Variants in FER observed in about 807,000 individuals in gnomAD.
FER encodes the protein FER tyrosine kinase.
A neutral mutation model predicts 111.0 loss-of-function variants in FER; 63 were observed. That is an observed-to-expected ratio of 0.57 (90% CI 0.46 to 0.70). The LOEUF is 0.70. FER is among the 30% of genes least tolerant of loss of function. FER has a pLI of 0.00. For synonymous variants in FER, 327 were observed against 313.9 expected, an observed-to-expected ratio of 1.04 and a Z score of -0.44; for missense variants, 914 against 954.0, an observed-to-expected ratio of 0.96 and a Z score of 0.55.
intron 10 of FER, among the ~76,000 whole-genome samples, chr5:108,906,825 C>T (rs1408231455): frequency 6.6e-6 from 1 of 151,986 alleles, no homozygotes; most frequent in Non-Finnish European, 1.5e-5. Context: ...CATAATACTT[C>T]CTTTTAACAA....
chr5:108,834,544 A>C (rs1426440506), intron 4 of FER, among the ~76,000 whole-genome samples: 1 of 152,004 alleles, frequency 6.6e-6, no homozygotes, highest in Non-Finnish European at 1.5e-5. Context: ...CTAAAAATAC[A>C]AAAATTAGCC....
intron 17 of FER, among the ~76,000 whole-genome samples, chr5:109,132,022 T>G (rs947219490): frequency 2.1e-4 from 32 of 152,212 alleles, no homozygotes; most frequent in Admixed American, 5.9e-4. Context: ...ATGAGATAAA[T>G]GTACCTAAAG....
chr5:108,755,254 G>C (rs79899128), intron 1 of FER, among the ~76,000 whole-genome samples: 202 of 152,304 alleles, frequency 1.3e-3, no homozygotes, highest in African/African-American at 4.3e-3. Context: ...CACAAAGCTT[G>C]CTGCGTTGTC....
In FER at chr5:108,993,904, T is replaced by A. The variant is rs768855722; in HGVS notation, c.1656+34557T>A. On this transcript the variant is annotated intron_variant, in intron 13 of 19. Transcript: ENST00000281092. ...TGATGTTGAGCTTTTTTTTCATGTT[T>A]ATTAGCCCCTTAAATGTCTTCTTTT... Among the ~76,000 whole-genome samples, 59 of 152,318 alleles carry A rather than the reference T, an allele frequency of 3.9e-4. 1 individual carries two copies. The highest frequency in any genetic ancestry group is 3.5e-3 in the South Asian group (17 of 4,832).
At chr5:108,899,447 TG>T (rs1749674299) in intron 10 of FER, among the ~76,000 whole-genome samples, 1 of 152,178 alleles carries the variant, frequency 6.6e-6, no homozygotes, top group South Asian at 2.1e-4. Flanking sequence ...GTAAATCTTT[TG>T]TTCACTGAGT....
intron 17 of FER, among the ~76,000 whole-genome samples, chr5:109,143,019 A>G (rs907958172): frequency 1.1e-4 from 16 of 152,246 alleles, no homozygotes; most frequent in Non-Finnish European, 1.9e-4. Flanking sequence ...TTTTGTGGAA[A>G]AAGCAGCAAC....
chr5:108,876,892 G>A (rs901717380), intron 8 of FER, among the ~76,000 whole-genome samples: 2 of 152,128 alleles, frequency 1.3e-5, no homozygotes, highest in African/African-American at 4.8e-5. Context: ...CTTGCATTAC[G>A]ATAACATGTG....
chr5:109,142,900 T>C (rs1234962436), intron 17 of FER, among the ~76,000 whole-genome samples: 1 of 152,126 alleles, frequency 6.6e-6, no homozygotes, highest in East Asian at 1.9e-4. Flanking sequence ...TAGACGATAC[T>C]GAGGAAGCCT....
chr5:109,121,167 G>A (rs1030111178), intron 17 of FER, among the ~76,000 whole-genome samples: 1 of 152,016 alleles, frequency 6.6e-6, no homozygotes, highest in Non-Finnish European at 1.5e-5. Flanking sequence ...TCCTTGTCAT[G>A]TTCTAGATCT....
intron 17 of FER, among the ~76,000 whole-genome samples, chr5:109,169,497 A>G (rs541879770): frequency 6.6e-6 from 1 of 152,300 alleles, no homozygotes; most frequent in South Asian, 2.1e-4. Context: ...TAAACATAGA[A>G]AGCAACATTA....
intron 17 of FER, 122 bp from the exon 18 acceptor site, chr5:109,180,625 G>T: frequency 9.2e-7 from 1 of 1,081,758 alleles, no homozygotes; most frequent in Non-Finnish European, 1.3e-6. Context: ...TAAATCACAA[G>T]CATTCTTAAC....
intron 1 of FER, among the ~76,000 whole-genome samples, chr5:108,754,005 A>G (rs1285261954): frequency 1.3e-5 from 2 of 152,302 alleles, no homozygotes; most frequent in East Asian, 1.9e-4. Context: ...TGCGAGCTCT[A>G]ATTCAGTCTC....
At chr5:108,865,731 G>A (rs372662201) in intron 5 of FER, among the ~76,000 whole-genome samples, 4 of 151,642 alleles carry the variant, frequency 2.6e-5, no homozygotes, top group East Asian at 1.9e-4. Context: ...ACTCAAACAA[G>A]TTTACAAGAA....
chr5:109,045,240 A>G (rs1011475950), intron 15 of FER, among the ~76,000 whole-genome samples: 1 of 151,578 alleles, frequency 6.6e-6, no homozygotes, highest in African/African-American at 2.4e-5. Flanking sequence ...TTTCTTCTTC[A>G]ACTGTATAAC....
intron 1 of FER, among the ~76,000 whole-genome samples, chr5:108,749,210 A>G (rs1050510427): frequency 2.6e-5 from 4 of 152,052 alleles, no homozygotes; most frequent in African/African-American, 9.6e-5. Flanking sequence ...CTGCAGGGTC[A>G]TCCGCTCATC....
chr5:108,995,224 A>T (rs1763832026), intron 13 of FER, among the ~76,000 whole-genome samples: 1 of 152,084 alleles, frequency 6.6e-6, no homozygotes, highest in African/African-American at 2.4e-5. Context: ...TTGCCCATTC[A>T]GTATGGTATT....
rs377353306 is a variant in FER, at chr5:109,047,141, C to T, written c.1867C>T (p.Leu623Phe). ...ATATGATCATCCCAATATTGTCAAA[C>T]TTATAGGAGTTTGCACACAAAGACA... Reference protein sequence around the residue: ...KQYDHPNIVKLIGVCTQRQPV... With the variant: ...KQYDHPNIVKFIGVCTQRQPV... Residue 623 changes from leucine (L) to phenylalanine (F), a missense_variant, in exon 16 of 20, where the codon CTT becomes TTT. By Grantham distance (22) the Leu-to-Phe change is conservative. Around this residue, in one of 3 missense-constraint regions of FER, gnomAD observed 774 missense variants for 782.6 expected, o/e 0.99. Coordinates refer to ENST00000281092, the MANE Select transcript of FER (RefSeq NM_005246.4). The T allele has an allele frequency of 5.2e-5, 83 of 1,607,618 alleles. No homozygotes were observed. Among genetic ancestry groups the T allele is most frequent in the Non-Finnish European group, 7.1e-5 (83 of 1,176,542 alleles).
At chr5:109,104,147 G>A (rs567168984) in intron 17 of FER, among the ~76,000 whole-genome samples, 2 of 152,152 alleles carry the variant, frequency 1.3e-5, no homozygotes, top group Non-Finnish European at 2.9e-5. Context: ...ATGTTTGGTT[G>A]CTCTAACACA....
chr5:108,918,478 T>G (rs561243908), intron 10 of FER, among the ~76,000 whole-genome samples: 80 of 151,728 alleles, frequency 5.3e-4, no homozygotes, highest in African/African-American at 1.9e-3. Context: ...GTGGACTGGG[T>G]GTGTGTTTTT....
Sources: gnomAD v4.1 joint callset for allele counts (sites outside exome capture counted in the v4.1 genomes callset) on GRCh38, gnomAD v4.1.1 for gene constraint, gnomAD v4.1.1 regional missense constraint, MANE v1.5 for transcripts, NCBI Gene and HGNC (gene_info 2026-07-23, HGNC 2026-07-21) for gene names.